Variants in SDK1 observed in about 807,000 individuals in gnomAD.
SDK1 encodes sidekick cell adhesion molecule 1.
SDK1 carries 157 observed loss-of-function variants against 245.5 expected under a neutral mutation model. The ratio of observed to expected loss-of-function variants is 0.64; its 90% confidence interval spans 0.56 to 0.73. SDK1 has a LOEUF of 0.73. Ranked by LOEUF, SDK1 falls within the 30% of genes least tolerant of loss-of-function variation. The pLI is 0.00. For synonymous variants in SDK1, 1,647 were observed against 1,278.5 expected (o/e 1.29, Z -6.15); for missense variants, 3,583 against 3,002.3 (o/e 1.19, Z -4.52).
At chr7:3,509,686 C>T (rs547535184) in intron 1 of SDK1, among the ~76,000 whole-genome samples, 1 of 152,186 alleles carries the variant, frequency 6.6e-6, no homozygotes, top group African/African-American at 2.4e-5. Flanking sequence ...AACACTTAAC[C>T]TCTGTTTAAT....
At chr7:3,821,681 C>T (rs1779649863) in intron 5 of SDK1, 98 bp downstream of exon 5, 1 of 1,356,186 alleles carries the variant, frequency 7.4e-7, no homozygotes, top group South Asian at 1.4e-5. Flanking sequence ...TAAATTTTCT[C>T]TCTCTAGTGT....
At chr7:3,987,667 C>T (rs17134112) in intron 14 of SDK1, among the ~76,000 whole-genome samples, 38,137 of 151,970 alleles carry the variant, frequency 0.25, 4,891 homozygotes, top group African/African-American at 0.27. Flanking sequence ...GAGAGTTCAC[C>T]GTCGCCGCCA....
intron 22 of SDK1, among the ~76,000 whole-genome samples, 172 bp downstream of exon 22, chr7:4,079,756 A>G (rs1464596942): frequency 6.6e-6 from 1 of 152,232 alleles, no homozygotes; most frequent in Admixed American, 6.5e-5. Flanking sequence ...ATGTAGGAAG[A>G]CAAAGAACAA....
chr7:3,628,344 A>AAT (rs772190341), intron 2 of SDK1, among the ~76,000 whole-genome samples: 152 of 152,166 alleles, frequency 1.0e-3, no homozygotes, highest in Non-Finnish European at 1.9e-3. Flanking sequence ...GTATATACAA[A>AAT]ATATATATAT....
intron 7 of SDK1, chr7:3,958,075 A>T (rs1781405972): frequency 8.6e-6 from 4 of 462,688 alleles, no homozygotes; most frequent in Non-Finnish European, 1.8e-5. Flanking sequence ...TCAATATAGG[A>T]GGCATGCCAA....
chr7:4,219,481 A>T (rs942503931), intron 38 of SDK1, among the ~76,000 whole-genome samples: 2 of 152,214 alleles, frequency 1.3e-5, no homozygotes, highest in African/African-American at 4.8e-5. Context: ...GCAAGAGAGC[A>T]TGTGCGGAGA....
At chr7:3,403,824 CATAT>C (rs10650660) in intron 1 of SDK1, among the ~76,000 whole-genome samples, 3,172 of 59,990 alleles carry the variant, frequency 0.053, 69 homozygotes, top group Non-Finnish European at 0.075. Context: ...AAATATCTTA[CATAT>C]ATATATATAT....
At chr7:3,987,629 T>C (rs1438519218) in intron 14 of SDK1, among the ~76,000 whole-genome samples, 1 of 151,980 alleles carries the variant, frequency 6.6e-6, no homozygotes, top group East Asian at 1.9e-4. Context: ...TGGAAATGGG[T>C]TAACAATGCC....
At chr7:3,411,364 C>G (rs1354969409) in intron 1 of SDK1, among the ~76,000 whole-genome samples, 1 of 152,112 alleles carries the variant, frequency 6.6e-6, no homozygotes, top group Non-Finnish European at 1.5e-5. Flanking sequence ...CCTTTTGGAG[C>G]AAAAACGGTT....
chr7:3,659,795 A>G (rs1354660969), intron 4 of SDK1, among the ~76,000 whole-genome samples: 1 of 152,268 alleles, frequency 6.6e-6, no homozygotes, highest in Non-Finnish European at 1.5e-5. Flanking sequence ...GGGGACTGGC[A>G]GCCCAGATGA....
chr7:4,213,415 A>C (rs894434742), intron 38 of SDK1, among the ~76,000 whole-genome samples: 4 of 151,088 alleles, frequency 2.6e-5, no homozygotes, highest in Non-Finnish European at 5.9e-5. Context: ...CCGTCTCAAA[A>C]AAAAAAAAAG....
At chr7:3,592,451 A>G (rs1780907755) in intron 1 of SDK1, among the ~76,000 whole-genome samples, 1 of 152,152 alleles carries the variant, frequency 6.6e-6, no homozygotes, top group Non-Finnish European at 1.5e-5. Context: ...AGTCCAGATA[A>G]TTATCACTCT....
At chr7:3,576,354 A>G (rs574779571) in intron 1 of SDK1, among the ~76,000 whole-genome samples, 34 of 152,224 alleles carry the variant, frequency 2.2e-4, no homozygotes, top group Middle Eastern at 3.4e-3. Context: ...ACTCTGAGCT[A>G]GGTGGGGCCA....
intron 1 of SDK1, among the ~76,000 whole-genome samples, chr7:3,307,231 C>T (rs1342799965): frequency 1.3e-5 from 2 of 151,988 alleles, no homozygotes; most frequent in Non-Finnish European, 2.9e-5. Context: ...AGTATGTACA[C>T]CTCTTTTTTT....
chr7:3,333,740 G>A (rs1167071024), intron 1 of SDK1, among the ~76,000 whole-genome samples: 2 of 152,140 alleles, frequency 1.3e-5, no homozygotes, highest in East Asian at 1.9e-4. Context: ...TTCGATTATC[G>A]AGGACAGACT....
At chr7:3,328,726 T>C (rs1395818670) in intron 1 of SDK1, among the ~76,000 whole-genome samples, 2 of 152,130 alleles carry the variant, frequency 1.3e-5, no homozygotes, top group African/African-American at 2.4e-5. Context: ...CTTATGTGCC[T>C]TAGAAATCTT....
chr7:3,570,079 C>T (rs183108304), intron 1 of SDK1, among the ~76,000 whole-genome samples: 1 of 152,296 alleles, frequency 6.6e-6, no homozygotes, highest in African/African-American at 2.4e-5. Context: ...CAACTGGCTC[C>T]TACTTCTCTG....
intron 5 of SDK1, among the ~76,000 whole-genome samples, chr7:3,937,094 G>T (rs919973265): frequency 1.3e-5 from 2 of 152,152 alleles, no homozygotes; most frequent in Non-Finnish European, 2.9e-5. Flanking sequence ...TGCCCCAGGA[G>T]CACGGCAGTT....
chr7:3,335,030 T>C (rs1013995107), intron 1 of SDK1, among the ~76,000 whole-genome samples: 15 of 152,194 alleles, frequency 9.9e-5, no homozygotes, highest in African/African-American at 3.6e-4. Context: ...AAATTCTGTT[T>C]TCTCTGCTTT....
Sources: gnomAD v4.1 joint callset for allele counts (sites outside exome capture counted in the v4.1 genomes callset) on GRCh38, gnomAD v4.1.1 for gene constraint, MANE v1.5 for transcripts, NCBI Gene and HGNC (gene_info 2026-07-23, HGNC 2026-07-21) for gene names.